Variants in SPOCK3 observed in about 807,000 individuals in gnomAD.
The protein encoded by SPOCK3 is testican-3.
In SPOCK3, 30 loss-of-function variants were observed where a neutral mutation model predicts 56.6. That is an observed-to-expected ratio of 0.53 (90% CI 0.40 to 0.72). SPOCK3 has a LOEUF of 0.72. Among genes scored for constraint, SPOCK3 ranks in the 30% least tolerant of loss-of-function variants. The pLI is 0.00. For synonymous variants in SPOCK3, 196 were observed against 183.3 expected (o/e 1.07, Z -0.56); for missense variants, 527 against 530.0 (o/e 0.99, Z 0.06).
At chr4:166,928,066 G>A (rs1489421945) in intron 4 of SPOCK3, among the ~76,000 whole-genome samples, 1 of 152,084 alleles carries the variant, frequency 6.6e-6, no homozygotes. Flanking sequence ...AACTCAGAAC[G>A]CTGACAACAC....
chr4:167,042,210 C>A (rs1339382568), intron 3 of SPOCK3, among the ~76,000 whole-genome samples: 1 of 152,118 alleles, frequency 6.6e-6, no homozygotes, highest in Non-Finnish European at 1.5e-5. Flanking sequence ...TTTAGTCAGG[C>A]CTCCTTATCT....
chr4:166,883,991 A>G (rs1410516595), intron 6 of SPOCK3, among the ~76,000 whole-genome samples: 1 of 152,212 alleles, frequency 6.6e-6, no homozygotes, highest in Non-Finnish European at 1.5e-5. Flanking sequence ...AAAATATTAT[A>G]ATGTACATTT....
In SPOCK3 at chr4:167,213,438, TA is replaced by T. The variant is rs1561331067; in HGVS notation, c.189+20546del. 2.6e-5 allele frequency among the ~76,000 whole-genome samples: 4 copies of T among 152,264 alleles called. No homozygotes were observed. The South Asian group carries it at 6.2e-4, about 24-fold the overall frequency. ...ACAAATTGCATTAATGATAACATTA[TA>T]AAAAAGGTTATGTGATATTATAAAA... On this transcript the variant is annotated intron_variant, in intron 2 of 10. Coordinates refer to ENST00000357545, the MANE Select transcript of SPOCK3 (RefSeq NM_001040159.2).
intron 4 of SPOCK3, among the ~76,000 whole-genome samples, chr4:166,981,686 T>C (rs1268307980): frequency 6.6e-6 from 1 of 152,198 alleles, no homozygotes; most frequent in Non-Finnish European, 1.5e-5. Context: ...GCTCCCGGGC[T>C]TCAGGTCATT....
At chr4:166,924,711 G>T (rs1738880136) in intron 4 of SPOCK3, among the ~76,000 whole-genome samples, 1 of 152,172 alleles carries the variant, frequency 6.6e-6, no homozygotes, top group African/African-American at 2.4e-5. Flanking sequence ...CTAGGCTGAA[G>T]AAAAAGGTTA....
At chr4:166,749,654 AAAAAT>A (rs1340517477) in intron 8 of SPOCK3, among the ~76,000 whole-genome samples, 12 of 151,682 alleles carry the variant, frequency 7.9e-5, no homozygotes, top group Non-Finnish European at 1.3e-4. Flanking sequence ...AAAAAAAAAT[AAAAAT>A]AAAATAATAA....
chr4:166,975,734 T>C (rs1745870490), intron 4 of SPOCK3, among the ~76,000 whole-genome samples: 1 of 152,184 alleles, frequency 6.6e-6, no homozygotes, highest in Non-Finnish European at 1.5e-5. Context: ...GTTTTACTTT[T>C]CAGCTCTCAC....
intron 3 of SPOCK3, among the ~76,000 whole-genome samples, chr4:167,029,720 C>G (rs565343194): frequency 5.9e-5 from 9 of 152,004 alleles, no homozygotes; most frequent in African/African-American, 1.9e-4. Context: ...TTTATATTTG[C>G]TGTTCTTCAA....
At chr4:167,205,121 G>T (rs115946542) in intron 2 of SPOCK3, among the ~76,000 whole-genome samples, 3,094 of 109,996 alleles carry the variant, frequency 0.028, 53 homozygotes, top group Admixed American at 0.071. Context: ...CTCCATGCCT[G>T]ACTGAAAAAA....
In SPOCK3 at chr4:166,754,665, A is replaced by G; in HGVS notation, c.774T>C (p.Asp258=). The G allele has an allele frequency of 6.2e-7, 1 of 1,613,778 alleles. No individual in the cohort carries two copies. Among genetic ancestry groups the G allele is most frequent in the Non-Finnish European group, 8.5e-7 (1 of 1,179,776 alleles). Residue 258 remains aspartate (D), a synonymous_variant, in exon 8 of 11, where the codon GAT becomes GAC. Transcript: ENST00000357545. ...DSLGWMFNRL[D]TNYDLLLDQS... Reference sequence around the variant, plus strand: ...GGTCCAATAGCAGGTCATAGTTTGTATCAAGTCTGTTAAACATCCAGCCAA... The same window carrying G: ...GGTCCAATAGCAGGTCATAGTTTGTGTCAAGTCTGTTAAACATCCAGCCAA...
intron 6 of SPOCK3, among the ~76,000 whole-genome samples, chr4:166,857,139 G>T (rs1201458152): frequency 6.6e-6 from 1 of 152,176 alleles, no homozygotes; most frequent in Non-Finnish European, 1.5e-5. Context: ...TTTACATATG[G>T]AAGATAGTTT....
rs536233405 is a variant in SPOCK3 at position 167,171,906 on chromosome 4, C to T, written c.189+62079G>A. Among the ~76,000 whole-genome samples, 3 of 150,906 alleles carry T rather than the reference C, an allele frequency of 2.0e-5. No individual in the cohort carries two copies. In the East Asian group the frequency reaches 5.9e-4, roughly 30 times the overall value. On this transcript the variant is annotated intron_variant, in intron 2 of 10. Coordinates refer to ENST00000357545, the MANE Select transcript of SPOCK3 (RefSeq NM_001040159.2). ...AAAGAAAAAGAAGAAGATTACCACC[C>T]CCCACTCCCCCCATAATGAAAAAAG...
chr4:167,212,778 C>T (rs1735007399), intron 2 of SPOCK3, among the ~76,000 whole-genome samples: 1 of 152,138 alleles, frequency 6.6e-6, no homozygotes, highest in Admixed American at 6.5e-5. Flanking sequence ...CATTTAGAGT[C>T]ATTTCAAAAT....
chr4:166,846,749 A>C (rs1303681798), intron 6 of SPOCK3, among the ~76,000 whole-genome samples: 2 of 152,126 alleles, frequency 1.3e-5, no homozygotes, highest in African/African-American at 4.8e-5. Flanking sequence ...GTAATTTCTT[A>C]GGTCTCTGGT....
chr4:167,110,622 TA>T (rs1301212643), intron 2 of SPOCK3, among the ~76,000 whole-genome samples: 1 of 152,108 alleles, frequency 6.6e-6, no homozygotes, highest in African/African-American at 2.4e-5. Context: ...ATTTGCGTTC[TA>T]TTTAATCATT....
At chr4:166,741,970 C>G in intron 9 of SPOCK3, 27 bp downstream of exon 9, 1 of 1,529,764 alleles carries the variant, frequency 6.5e-7, no homozygotes, top group Non-Finnish European at 9.0e-7. Context: ...AGCAATAAAG[C>G]CTTCAGAAGA....
intron 4 of SPOCK3, among the ~76,000 whole-genome samples, chr4:166,950,366 A>C (rs1742400475): frequency 6.6e-6 from 1 of 151,510 alleles, no homozygotes; most frequent in Admixed American, 6.5e-5. Context: ...TAAAGGGATC[A>C]ATTCAACAAG....
intron 2 of SPOCK3, among the ~76,000 whole-genome samples, chr4:167,207,590 C>G (rs1734474343): frequency 6.6e-6 from 1 of 152,030 alleles, no homozygotes; most frequent in Non-Finnish European, 1.5e-5. Context: ...ACAAACCCAC[C>G]ATCTGTAGCC....
intron 7 of SPOCK3, among the ~76,000 whole-genome samples, chr4:166,787,347 T>C (rs1740839219): frequency 6.6e-6 from 1 of 152,194 alleles, no homozygotes; most frequent in South Asian, 2.1e-4. Context: ...CTCTCTTGCA[T>C]GTTTGCACAT....
Sources: allele counts gnomAD v4.1 joint callset (sites outside exome capture counted in the v4.1 genomes callset), GRCh38; gene constraint gnomAD v4.1.1; transcripts MANE v1.5; gene names NCBI Gene and HGNC (gene_info 2026-07-23, HGNC 2026-07-21).